Variants in FBXL13 observed in about 807,000 individuals in gnomAD.
FBXL13 encodes the protein F-box and leucine-rich repeat protein 13.
In FBXL13, 67 loss-of-function variants were observed where a neutral mutation model predicts 83.6. The observed-to-expected ratio is 0.80, with a 90% CI of 0.66 to 0.98. The LOEUF (loss-of-function observed/expected upper bound fraction) is 0.98, where lower values mean the gene tolerates loss of function less well. Ranked by LOEUF, FBXL13 falls within the 50% of genes least tolerant of loss-of-function variation. FBXL13 has a pLI of 0.00. For missense variants in FBXL13, 822 were observed against 866.5 expected (o/e 0.95, Z 0.64); for synonymous variants, 272 against 299.5 (o/e 0.91, Z 0.95).
intron 6 of FBXL13, among the ~76,000 whole-genome samples, chr7:103,011,900 G>A (rs1791670776): frequency 6.6e-6 from 1 of 152,052 alleles, no homozygotes. Flanking sequence ...GAAAAGAGAG[G>A]GAGAGAAACC....
chr7:103,001,033 C>T (rs180868077), intron 6 of FBXL13, among the ~76,000 whole-genome samples: 161 of 152,302 alleles, frequency 1.1e-3, no homozygotes, highest in Non-Finnish European at 9.0e-4. Flanking sequence ...AAGCCTCAAC[C>T]TCCTGGGATC....
chr7:102,998,644 T>C (rs1790067167), intron 6 of FBXL13, among the ~76,000 whole-genome samples: 2 of 152,010 alleles, frequency 1.3e-5, no homozygotes, highest in Admixed American at 1.3e-4. Flanking sequence ...GTTCTAACAG[T>C]TTTTTGGTGG....
chr7:102,921,580 T>C (rs759509331), intron 10 of FBXL13, among the ~76,000 whole-genome samples: 2 of 151,914 alleles, frequency 1.3e-5, no homozygotes, highest in Non-Finnish European at 2.9e-5. Flanking sequence ...CTTGGGAGGC[T>C]GAGGCAGGAA....
intron 6 of FBXL13, among the ~76,000 whole-genome samples, chr7:103,020,183 T>C (rs1260034997): frequency 2.0e-5 from 3 of 152,160 alleles, no homozygotes; most frequent in African/African-American, 7.2e-5. Flanking sequence ...TGCAAATCAA[T>C]AAACATAGTC....
At chr7:102,861,973 CTG>C (rs1254050868) in intron 16 of FBXL13, among the ~76,000 whole-genome samples, 4 of 125,212 alleles carry the variant, frequency 3.2e-5, no homozygotes, top group Admixed American at 3.1e-4. Flanking sequence ...CAGAGTGAGA[CTG>C]TGTCTCCAAA....
intron 11 of FBXL13, among the ~76,000 whole-genome samples, chr7:102,905,310 A>G (rs2129467291): frequency 6.6e-6 from 1 of 152,324 alleles, no homozygotes; most frequent in African/African-American, 2.4e-5. Flanking sequence ...GTGCATATAT[A>G]TTTAAAATTG....
In FBXL13 at chr7:103,014,661, C is replaced by A. The variant is rs373209625; in HGVS notation, c.495+10402G>T. 2.6e-5 allele frequency among the ~76,000 whole-genome samples: 4 copies of A among 152,012 alleles called. No homozygotes were observed. The East Asian group carries it at 5.8e-4, about 22-fold the overall frequency. On this transcript the variant is annotated intron_variant, in intron 6 of 19. Transcript: ENST00000313221. ...AAACTGGGCCGGGCGCGGTGGCTCA[C>A]GCCTGTACTCCCAGCACTTTGGGAG...
At chr7:102,847,199 C>G (rs1197180847) in intron 17 of FBXL13, among the ~76,000 whole-genome samples, 1 of 150,774 alleles carries the variant, frequency 6.6e-6, no homozygotes, top group Non-Finnish European at 1.5e-5. Flanking sequence ...CCCTTCAAAA[C>G]TTTACAGGAA....
chr7:102,906,004 TG>T (rs1246324424), intron 11 of FBXL13, among the ~76,000 whole-genome samples: 24 of 152,292 alleles, frequency 1.6e-4, no homozygotes, highest in Middle Eastern at 3.4e-3. Context: ...TCCACATGGC[TG>T]GGGAGGCCTC....
intron 11 of FBXL13, 33 bp downstream of exon 12, chr7:102,913,053 A>G (rs752002315): frequency 3.1e-6 from 5 of 1,613,750 alleles, no homozygotes; most frequent in Non-Finnish European, 8.5e-7. Context: ...ACTTCCTCAC[A>G]CACCGCAGCA....
At chr7:102,837,564 TTC>T (rs1220746454) in intron 17 of FBXL13, among the ~76,000 whole-genome samples, 1 of 152,210 alleles carries the variant, frequency 6.6e-6, no homozygotes, top group Non-Finnish European at 1.5e-5. Flanking sequence ...TTATAAGCTT[TTC>T]TTTCTTTTTG....
At chr7:102,946,866 G>A (rs1004567039) in intron 8 of FBXL13, among the ~76,000 whole-genome samples, 4 of 151,702 alleles carry the variant, frequency 2.6e-5, no homozygotes, top group African/African-American at 9.7e-5. Flanking sequence ...GTAGAGACGG[G>A]GGTTTTGCCA....
At chr7:103,020,503 G>A (rs1417339235) in intron 6 of FBXL13, among the ~76,000 whole-genome samples, 9 of 152,094 alleles carry the variant, frequency 5.9e-5, no homozygotes, top group Non-Finnish European at 1.2e-4. Context: ...AGAAATAAAG[G>A]GTATTCAATT....
intron 16 of FBXL13, among the ~76,000 whole-genome samples, chr7:102,861,231 A>AT (rs1463784821): frequency 6.6e-6 from 1 of 151,976 alleles, no homozygotes; most frequent in Non-Finnish European, 1.5e-5. Context: ...CAACATTCAA[A>AT]TTTTTTTGTA....
chr7:103,067,256 G>A (rs1798492026), intron 1 of FBXL13, among the ~76,000 whole-genome samples: 1 of 152,170 alleles, frequency 6.6e-6, no homozygotes, highest in Admixed American at 6.5e-5. Context: ...CTGGATATTT[G>A]AGTTTTACCA....
intron 6 of FBXL13, chr7:102,978,629 C>A (rs1827807301): frequency 9.8e-6 from 2 of 204,072 alleles, no homozygotes; most frequent in East Asian, 1.3e-4. Flanking sequence ...CCTCAGCCTG[C>A]CTGCACCCAG....
rs1427080311 is a variant in FBXL13, at chr7:102,968,020, A to T, written c.591+2T>A. 6.2e-7 allele frequency: 1 copy of T among 1,607,930 alleles called. No homozygotes were observed. Among genetic ancestry groups the T allele is most frequent in the East Asian group, 2.2e-5 (1 of 44,848 alleles). Reference sequence around the variant, plus strand: ...GACATAGTTCAGTTAGTATCTACTTACAGCATTCCACAGTGAGTTTAGTTG... The same window carrying T: ...GACATAGTTCAGTTAGTATCTACTTTCAGCATTCCACAGTGAGTTTAGTTG... On this transcript the variant is annotated splice_donor_variant, in intron 7 of 19. Transcript: ENST00000313221. LOFTEE classifies it high-confidence loss of function.
intron 1 of FBXL13, among the ~76,000 whole-genome samples, chr7:103,063,132 G>A (rs1407809896): frequency 6.6e-6 from 1 of 152,192 alleles, no homozygotes; most frequent in Non-Finnish European, 1.5e-5. Flanking sequence ...ACATGGGCAA[G>A]AATAGTATAA....
chr7:103,048,780 C>T (rs1204420154), intron 2 of FBXL13, among the ~76,000 whole-genome samples: 2 of 152,120 alleles, frequency 1.3e-5, no homozygotes, highest in Admixed American at 6.6e-5. Flanking sequence ...TTTTACAAAC[C>T]TTCCACAACT....
Sources: allele counts gnomAD v4.1 joint callset (sites outside exome capture counted in the v4.1 genomes callset), GRCh38; gene constraint gnomAD v4.1.1; transcripts MANE v1.5; gene names NCBI Gene and HGNC (gene_info 2026-07-23, HGNC 2026-07-21).